The following ANKRD44 variants were observed in gnomAD, a reference collection of about 807,000 sequenced individuals.
ANKRD44 encodes ankyrin repeat domain 44.
ANKRD44 carries 35 observed loss-of-function variants against 116.0 expected under a neutral mutation model. The observed-to-expected ratio is 0.30, with a 90% CI of 0.23 to 0.40. The LOEUF (loss-of-function observed/expected upper bound fraction) is 0.40, where lower values mean the gene tolerates loss of function less well. ANKRD44 is among the 10% of genes least tolerant of loss of function. The pLI is 1.00. For synonymous variants in ANKRD44, 435 were observed against 461.8 expected, an observed-to-expected ratio of 0.94 and a Z score of 0.74; for missense variants, 1,014 against 1,242.6, an observed-to-expected ratio of 0.82 and a Z score of 2.77.
chr2:197,092,778 G>A (rs1190717007), intron 10 of ANKRD44, among the ~76,000 whole-genome samples: 1 of 152,184 alleles, frequency 6.6e-6, no homozygotes, highest in Non-Finnish European at 1.5e-5. Context: ...GGCAGAGGGA[G>A]TTGGGGGATA....
chr2:197,236,451 T>G (rs1398410644), intron 1 of ANKRD44, among the ~76,000 whole-genome samples: 1 of 152,128 alleles, frequency 6.6e-6, no homozygotes, highest in East Asian at 1.9e-4. Flanking sequence ...CAGGAGAACA[T>G]ATGCACAGTG....
chr2:197,065,862 A>G (rs1257565304), intron 16 of ANKRD44, among the ~76,000 whole-genome samples: 3 of 152,250 alleles, frequency 2.0e-5, no homozygotes, highest in Admixed American at 1.3e-4. Context: ...CCAGAGGTAC[A>G]AGGAGGAGCT....
Position 196,988,924 on chromosome 2 carries a change from C to T in ANKRD44, c.*667G>A. 1 of 985,454 alleles carries T rather than the reference C, an allele frequency of 1.0e-6. No individual in the cohort carries two copies. The highest frequency in any genetic ancestry group is 1.2e-6 in the Non-Finnish European group (1 of 829,946). The allele number at this position is 985,454 out of a possible 1,614,324, so 61.0% of individuals were successfully genotyped here. ...GCCTTTGTGTATATGATCCACTACA[C>T]ATCTGAGTTTTCATCTCGCAGAAGG... On this transcript the variant is annotated 3_prime_UTR_variant, in exon 28 of 28. Coordinates refer to ENST00000282272, the MANE Select transcript of ANKRD44 (RefSeq NM_001195144.2).
intron 1 of ANKRD44, among the ~76,000 whole-genome samples, chr2:197,218,825 TCTTGGCCCA>T (rs1395341267): frequency 7.5e-6 from 1 of 134,084 alleles, no homozygotes; most frequent in Non-Finnish European, 1.5e-5. Context: ...AGTGACACAA[TCTTGGCCCA>T]CTACAATCTC....
At chr2:197,243,991 C>T (rs1193924804) in intron 1 of ANKRD44, among the ~76,000 whole-genome samples, 1 of 152,206 alleles carries the variant, frequency 6.6e-6, no homozygotes, top group Non-Finnish European at 1.5e-5. Flanking sequence ...AGACATTGAA[C>T]TATTATTCTT....
At chr2:197,266,435 G>C (rs985038620) in intron 1 of ANKRD44, among the ~76,000 whole-genome samples, 1 of 152,056 alleles carries the variant, frequency 6.6e-6, no homozygotes, top group East Asian at 1.9e-4. Context: ...CAAGTCTGCT[G>C]TCTGACCCAG....
At chr2:197,072,572 T>C (rs1379869190) in intron 16 of ANKRD44, among the ~76,000 whole-genome samples, 2 of 152,244 alleles carry the variant, frequency 1.3e-5, no homozygotes, top group East Asian at 1.9e-4. Flanking sequence ...AAAATTAGCA[T>C]TGATGTTTTA....
chr2:197,197,827 A>AAAAAAAAAAAAG (rs1553528679), intron 1 of ANKRD44, among the ~76,000 whole-genome samples: 1 of 45,158 alleles, frequency 2.2e-5, no homozygotes, highest in Non-Finnish European at 8.2e-5. Flanking sequence ...AAAAAAAAAA[A>AAAAAAAAAAAAG]AAAGAAAGAA....
chr2:197,206,608 G>T (rs1267964482), intron 1 of ANKRD44, among the ~76,000 whole-genome samples: 1 of 152,086 alleles, frequency 6.6e-6, no homozygotes, highest in Non-Finnish European at 1.5e-5. Context: ...GCTTGAACCT[G>T]GGAGGCAGAG....
intron 1 of ANKRD44, among the ~76,000 whole-genome samples, chr2:197,290,266 T>C (rs2083524423): frequency 6.6e-6 from 1 of 152,244 alleles, no homozygotes; most frequent in South Asian, 2.1e-4. Context: ...ACATCTATTG[T>C]GTTGCAACTT....
chr2:197,134,864 A>C (rs1031124830), intron 4 of ANKRD44: 3 of 152,194 alleles, frequency 2.0e-5, no homozygotes, highest in African/African-American at 7.2e-5. Flanking sequence ...TGGTCTTAAA[A>C]GGCCAGGAAA....
intron 2 of ANKRD44, among the ~76,000 whole-genome samples, chr2:197,149,250 G>A (rs1189700366): frequency 1.3e-5 from 2 of 152,140 alleles, no homozygotes; most frequent in Admixed American, 6.5e-5. Context: ...CCCAAATTAT[G>A]ACTTCATTTG....
At chr2:197,211,917 C>T (rs375277426) in intron 1 of ANKRD44, among the ~76,000 whole-genome samples, 8 of 152,020 alleles carry the variant, frequency 5.3e-5, no homozygotes, top group Non-Finnish European at 7.4e-5. Context: ...ACAAGCACCT[C>T]GGGACTCCAA....
chr2:197,056,284 A>AC (rs975039858), intron 16 of ANKRD44, among the ~76,000 whole-genome samples: 8 of 143,378 alleles, frequency 5.6e-5, no homozygotes, highest in East Asian at 4.0e-4. Context: ...ATTTACACAC[A>AC]AAAAAAAAAC....
chr2:197,112,922 A>T (rs1007255516), intron 8 of ANKRD44, among the ~76,000 whole-genome samples: 2 of 152,106 alleles, frequency 1.3e-5, no homozygotes, highest in African/African-American at 4.8e-5. Flanking sequence ...GAAATAAAAA[A>T]GGAATTACAC....
At chr2:197,174,761 C>T (rs1226069230) in intron 2 of ANKRD44, among the ~76,000 whole-genome samples, 1 of 152,194 alleles carries the variant, frequency 6.6e-6, no homozygotes, top group Non-Finnish European at 1.5e-5. Context: ...TGGAGCTGAA[C>T]AGTTAGTGGA....
chr2:197,086,588 G>T, intron 13 of ANKRD44, 92 bp downstream of exon 13: 1 of 1,262,832 alleles, frequency 7.9e-7, no homozygotes, highest in Non-Finnish European at 1.1e-6. Context: ...CTAACTTCCC[G>T]GTTTACCATT....
At chr2:197,261,616 G>A (rs1029937940) in intron 1 of ANKRD44, among the ~76,000 whole-genome samples, 2 of 151,386 alleles carry the variant, frequency 1.3e-5, no homozygotes, top group Admixed American at 6.6e-5. Flanking sequence ...AAGTCTATAT[G>A]CCAAAGATAA....
chr2:197,194,177 T>C (rs1382249595), intron 1 of ANKRD44, among the ~76,000 whole-genome samples: 4 of 152,178 alleles, frequency 2.6e-5, no homozygotes, highest in Non-Finnish European at 5.9e-5. Flanking sequence ...GAGAAGCTTT[T>C]ACAGGCCTGG....
Sources: gnomAD v4.1 joint callset for allele counts (sites outside exome capture counted in the v4.1 genomes callset) on GRCh38, gnomAD v4.1.1 for gene constraint, MANE v1.5 for transcripts, NCBI Gene and HGNC (gene_info 2026-07-23, HGNC 2026-07-21) for gene names.